Variants in CNTN4 observed in about 807,000 individuals in gnomAD.
CNTN4 encodes the protein contactin-4.
CNTN4 carries 77 observed loss-of-function variants against 122.5 expected under a neutral mutation model. The observed-to-expected ratio is 0.63, with a 90% CI of 0.52 to 0.76. The LOEUF (loss-of-function observed/expected upper bound fraction) is 0.76, where lower values mean the gene tolerates loss of function less well. CNTN4 is among the 30% of genes least tolerant of loss of function. The pLI, the probability that CNTN4 is intolerant of heterozygous loss-of-function variation, is 0.00. For missense variants in CNTN4, 1,256 were observed against 1,259.1 expected (o/e 1.00, Z 0.04); for synonymous variants, 512 against 447.0 (o/e 1.15, Z -1.83).
At chr3:2,971,378 A>G (rs567470464) in intron 13 of CNTN4, among the ~76,000 whole-genome samples, 1 of 151,952 alleles carries the variant, frequency 6.6e-6, no homozygotes, top group East Asian at 1.9e-4. Flanking sequence ...CTATATATAT[A>G]TATATTTGGC....
intron 4 of CNTN4, among the ~76,000 whole-genome samples, chr3:2,596,552 A>T (rs1310662075): frequency 6.6e-6 from 1 of 152,126 alleles, no homozygotes; most frequent in Non-Finnish European, 1.5e-5. Flanking sequence ...ATGCATACAT[A>T]TATAATAGAT....
intron 2 of CNTN4, among the ~76,000 whole-genome samples, chr3:2,166,866 C>A (rs913263240): frequency 5.3e-5 from 8 of 151,932 alleles, no homozygotes; most frequent in Non-Finnish European, 1.2e-4. Context: ...TGAATAGCTC[C>A]TTAATGGCTA....
chr3:2,324,053 A>G (rs1209159357), intron 2 of CNTN4, among the ~76,000 whole-genome samples: 4 of 152,164 alleles, frequency 2.6e-5, no homozygotes, highest in Admixed American at 6.5e-5. Flanking sequence ...TAGGATATTT[A>G]TCAGCACTCC....
At chr3:2,706,376 G>C (rs564440100) in intron 4 of CNTN4, among the ~76,000 whole-genome samples, 43 of 152,190 alleles carry the variant, frequency 2.8e-4, no homozygotes, top group African/African-American at 1.0e-3. Context: ...TGATGCATGA[G>C]GATGTCTTGT....
intron 2 of CNTN4, among the ~76,000 whole-genome samples, chr3:2,156,448 G>T (rs1427179095): frequency 1.3e-5 from 2 of 152,230 alleles, no homozygotes; most frequent in African/African-American, 4.8e-5. Flanking sequence ...CCGTGTGGCA[G>T]CAGTAAGCAA....
intron 3 of CNTN4, among the ~76,000 whole-genome samples, chr3:2,419,121 A>C (rs2047523478): frequency 6.6e-6 from 1 of 152,222 alleles, no homozygotes; most frequent in Admixed American, 6.5e-5. Context: ...GATACCCCTT[A>C]TGAGAGAAAA....
intron 2 of CNTN4, among the ~76,000 whole-genome samples, chr3:2,192,660 T>C (rs1164842436): frequency 6.6e-6 from 1 of 152,190 alleles, no homozygotes; most frequent in African/African-American, 2.4e-5. Context: ...AGAAGACATT[T>C]ATGCAAAATT....
At chr3:2,120,390 T>TATATATATATAA (rs2033670898) in intron 2 of CNTN4, among the ~76,000 whole-genome samples, 1 of 28,790 alleles carries the variant, frequency 3.5e-5, no homozygotes, top group African/African-American at 9.3e-5. Flanking sequence ...TATATATATA[T>TATATATATATAA]ATATATATAT....
At chr3:2,523,702 C>G (rs933187600) in intron 3 of CNTN4, among the ~76,000 whole-genome samples, 3 of 152,112 alleles carry the variant, frequency 2.0e-5, no homozygotes, top group African/African-American at 7.2e-5. Context: ...ACTGCAGAGT[C>G]TCTCTGAAAT....
chr3:2,466,423 A>G (rs999871958), intron 3 of CNTN4, among the ~76,000 whole-genome samples: 18 of 152,214 alleles, frequency 1.2e-4, no homozygotes, highest in Admixed American at 6.5e-5. Context: ...GAATAATAAG[A>G]TTAGAACCCT....
intron 2 of CNTN4, among the ~76,000 whole-genome samples, chr3:2,149,967 C>CTTTT (rs11397937): frequency 7.0e-6 from 1 of 143,116 alleles, no homozygotes; most frequent in African/African-American, 2.6e-5. Flanking sequence ...GTGGGCATAG[C>CTTTT]TTTTTTTTTT....
At chr3:2,625,165 A>G (rs1002112880) in intron 4 of CNTN4, among the ~76,000 whole-genome samples, 2 of 152,152 alleles carry the variant, frequency 1.3e-5, no homozygotes, top group Non-Finnish European at 2.9e-5. Context: ...ATCGTGCTTA[A>G]TAAGAATTGT....
Position 2,352,936 on chromosome 3 carries a change from A to G in CNTN4, c.-89+13703A>G, listed in dbSNP as rs13098617. ...CTGAAGGTTTGTAAATGCACCAATC[A>G]GTGCTCTGTGTCTAGCTAATCTAGT... On this transcript the variant is annotated intron_variant, in intron 3 of 24. Transcript: ENST00000418658. Among the ~76,000 whole-genome samples the G allele has an allele frequency of 2.1e-3, 325 of 152,272 alleles. 2 individuals carry two copies. Among genetic ancestry groups the G allele is most frequent in the Middle Eastern group, 0.01 (3 of 294 alleles).
chr3:2,458,078 T>C (rs1048828398), intron 3 of CNTN4, among the ~76,000 whole-genome samples: 20 of 152,144 alleles, frequency 1.3e-4, no homozygotes, highest in African/African-American at 4.6e-4. Flanking sequence ...TAGGGAGCCA[T>C]TCTCTACAGC....
intron 10 of CNTN4, 122 bp downstream of exon 10, chr3:2,887,346 T>A: frequency 1.1e-6 from 1 of 939,848 alleles, no homozygotes; most frequent in South Asian, 1.4e-5. Flanking sequence ...TGTGTGAAAC[T>A]CATGGTTTGC....
intron 4 of CNTN4, among the ~76,000 whole-genome samples, chr3:2,724,912 T>C (rs2088113419): frequency 1.3e-5 from 2 of 151,954 alleles, no homozygotes; most frequent in African/African-American, 2.4e-5. Flanking sequence ...CTTGGGAGCG[T>C]TGGAGAGATA....
At position 2,568,829 on chromosome 3, in the gene CNTN4, A is replaced by G. The variant is rs148312543; in HGVS notation, c.-88-2587A>G. ...CATCCTTAAAAATCTACAGCCCTTA[A>G]TAGAACATGCACTGTAAATACTATC... On this transcript the variant is annotated intron_variant, in intron 3 of 24. Coordinates refer to ENST00000418658, the MANE Select transcript of CNTN4 (RefSeq NM_175607.3). 5.8e-3 allele frequency among the ~76,000 whole-genome samples: 879 copies of G among 152,314 alleles called. 12 individuals are homozygous for G. Among genetic ancestry groups the G allele is most frequent in the African/African-American group, 0.02 (838 of 41,560 alleles).
chr3:2,356,974 C>T (rs892030808), intron 3 of CNTN4, among the ~76,000 whole-genome samples: 1 of 152,198 alleles, frequency 6.6e-6, no homozygotes, highest in African/African-American at 2.4e-5. Flanking sequence ...GGATTGTCAA[C>T]ACAATAAGAT....
chr3:2,589,939 T>C (rs959532690), intron 4 of CNTN4, among the ~76,000 whole-genome samples: 1 of 152,210 alleles, frequency 6.6e-6, no homozygotes, highest in Non-Finnish European at 1.5e-5. Context: ...GTCAGTTCCA[T>C]AATATTCAAT....
Sources: allele counts gnomAD v4.1 joint callset (sites outside exome capture counted in the v4.1 genomes callset), GRCh38; gene constraint gnomAD v4.1.1; transcripts MANE v1.5; gene names NCBI Gene and HGNC (gene_info 2026-07-23, HGNC 2026-07-21).